TSHZ2: variants seen among roughly 807,000 people sequenced by gnomAD.
The protein encoded by TSHZ2 is teashirt zinc finger homeobox 2.
Under a neutral mutation model 74.4 loss-of-function variants are expected in TSHZ2, and 21 were observed. The observed-to-expected ratio is 0.28, with a 90% CI of 0.20 to 0.41. The LOEUF is 0.41. Ranked by LOEUF, TSHZ2 falls within the 10% of genes least tolerant of loss-of-function variation. The pLI, the probability that TSHZ2 is intolerant of heterozygous loss-of-function variation, is 1.00. For synonymous variants in TSHZ2, 540 were observed against 515.3 expected, an observed-to-expected ratio of 1.05 and a Z score of -0.65; for missense variants, 1,244 against 1,293.5, an observed-to-expected ratio of 0.96 and a Z score of 0.59.
intron 2 of TSHZ2, among the ~76,000 whole-genome samples, chr20:53,376,135 A>G (rs1250001496): frequency 6.6e-6 from 1 of 152,228 alleles, no homozygotes; most frequent in East Asian, 1.9e-4. Flanking sequence ...AGAACATTCC[A>G]GACAGGGATA....
intron 1 of TSHZ2, among the ~76,000 whole-genome samples, chr20:53,219,725 A>C (rs954411641): frequency 7.2e-5 from 11 of 152,214 alleles, no homozygotes; most frequent in Non-Finnish European, 1.2e-4. Flanking sequence ...AATTATATAC[A>C]TGGAAGAATG....
intron 2 of TSHZ2, among the ~76,000 whole-genome samples, chr20:53,311,075 G>C (rs1006589205): frequency 4.6e-5 from 7 of 152,176 alleles, no homozygotes; most frequent in Non-Finnish European, 1.0e-4. Flanking sequence ...TGTAAAGCAA[G>C]GTATACCTTG....
chr20:53,308,121 T>G (rs1481097453), intron 2 of TSHZ2, among the ~76,000 whole-genome samples: 1 of 152,190 alleles, frequency 6.6e-6, no homozygotes, highest in African/African-American at 2.4e-5. Flanking sequence ...GGCGTTTGCA[T>G]AGTAAATATT....
At chr20:53,235,535 A>G (rs1989923633) in intron 1 of TSHZ2, among the ~76,000 whole-genome samples, 1 of 152,202 alleles carries the variant, frequency 6.6e-6, no homozygotes, top group Non-Finnish European at 1.5e-5. Flanking sequence ...CTCTTCTGCT[A>G]GCCCGAAATC....
At chr20:53,372,232 T>C (rs1177274343) in intron 2 of TSHZ2, among the ~76,000 whole-genome samples, 1 of 152,070 alleles carries the variant, frequency 6.6e-6, no homozygotes, top group Admixed American at 6.5e-5. Context: ...TCCTAGCACT[T>C]TGGGAAGTCA....
chr20:53,332,349 A>C (rs1233983492), intron 2 of TSHZ2, among the ~76,000 whole-genome samples: 2 of 152,186 alleles, frequency 1.3e-5, no homozygotes, highest in African/African-American at 2.4e-5. Context: ...TCAAAGGCAA[A>C]GGCAACAGCA....
At chr20:53,265,855 G>A (rs1041288129) in intron 2 of TSHZ2, among the ~76,000 whole-genome samples, 2 of 152,220 alleles carry the variant, frequency 1.3e-5, no homozygotes, top group Non-Finnish European at 2.9e-5. Flanking sequence ...GCACAGGAGA[G>A]CAATCTAAGA....
intron 2 of TSHZ2, among the ~76,000 whole-genome samples, chr20:53,430,051 C>T (rs1309062460): frequency 1.3e-5 from 2 of 152,150 alleles, no homozygotes; most frequent in East Asian, 3.8e-4. Context: ...AATTGAAAAA[C>T]CCTACTATAT....
intron 1 of TSHZ2, chr20:53,196,146 A>G (rs1159546416): frequency 2.0e-5 from 3 of 152,072 alleles, no homozygotes; most frequent in Non-Finnish European, 4.4e-5. Context: ...CATGGATTTC[A>G]TTATGCCTCT....
chr20:53,264,071 T>C (rs987307097), intron 2 of TSHZ2, among the ~76,000 whole-genome samples: 4 of 152,234 alleles, frequency 2.6e-5, no homozygotes, highest in African/African-American at 9.6e-5. Context: ...TGCCTTCTAC[T>C]AATACATCTC....
At chr20:53,000,192 C>CGG (rs1334223226) in intron 1 of TSHZ2, among the ~76,000 whole-genome samples, 2 of 152,122 alleles carry the variant, frequency 1.3e-5, no homozygotes, top group African/African-American at 4.8e-5. Flanking sequence ...TTTTGTATGA[C>CGG]CTATGGGTTA....
At chr20:53,177,569 C>G (rs1186780435) in intron 1 of TSHZ2, among the ~76,000 whole-genome samples, 1 of 152,178 alleles carries the variant, frequency 6.6e-6, no homozygotes, top group Non-Finnish European at 1.5e-5. Context: ...TGCATTAGGT[C>G]TTCCATGAAT....
At chr20:53,222,021 T>C (rs1989571648) in intron 1 of TSHZ2, among the ~76,000 whole-genome samples, 1 of 152,234 alleles carries the variant, frequency 6.6e-6, no homozygotes, top group Non-Finnish European at 1.5e-5. Flanking sequence ...CATTGTATTT[T>C]AAGGGATACA....
intron 2 of TSHZ2, among the ~76,000 whole-genome samples, chr20:53,290,003 A>AT (rs1363799911): frequency 6.6e-6 from 1 of 152,116 alleles, no homozygotes; most frequent in African/African-American, 2.4e-5. Context: ...TGAGAATGAG[A>AT]TTTAGTGGTT....
chr20:53,312,870 C>T lies in TSHZ2; in HGVS notation c.*8+56299C>T, dbSNP rs146276321. ...TTCTTGAACTTGTAGCCAAACACCT[C>T]TGAGCAAGGCTAGGAGGAGATAAGA... On this transcript the variant is annotated intron_variant, in intron 2 of 2. Transcript: ENST00000371497. Among the ~76,000 whole-genome samples the T allele has an allele frequency of 6.8e-3, 1,042 of 152,326 alleles. 17 individuals carry two copies. The highest frequency in any genetic ancestry group is 0.024 in the African/African-American group (982 of 41,566).
chr20:53,442,570 G>A (rs1008238332), intron 2 of TSHZ2, among the ~76,000 whole-genome samples: 5 of 152,088 alleles, frequency 3.3e-5, no homozygotes, highest in Non-Finnish European at 5.9e-5. Flanking sequence ...CCGTAATATC[G>A]TAATGATAGT....
At chr20:53,436,536 A>ATTTTTTTTTT (rs71194478) in intron 2 of TSHZ2, among the ~76,000 whole-genome samples, 15 of 83,558 alleles carry the variant, frequency 1.8e-4, no homozygotes, top group East Asian at 4.0e-4. Flanking sequence ...TATTATTATT[A>ATTTTTTTTTT]TTATTATTAT....
intron 1 of TSHZ2, among the ~76,000 whole-genome samples, chr20:53,092,827 G>C (rs1476411042): frequency 6.6e-6 from 1 of 152,134 alleles, no homozygotes; most frequent in Non-Finnish European, 1.5e-5. Context: ...ACCACGGATT[G>C]GCAAACTTTT....
chr20:53,492,972 A>G lies in TSHZ2; in HGVS notation c.*5837A>G, dbSNP rs1199103066. 1 of 152,220 alleles carries G rather than the reference A, an allele frequency of 6.6e-6. No individual in the cohort carries two copies. The highest frequency in any genetic ancestry group is 1.5e-5 in the Non-Finnish European group (1 of 68,032). The allele number at this position is 152,220 out of a possible 1,614,324, so 9.4% of individuals were successfully genotyped here. On this transcript the variant is annotated 3_prime_UTR_variant, in exon 3 of 3. Transcript: ENST00000371497. ...TAGAATGTTTCTGTGCAAGCGCACT[A>G]ATTTTCTATCACCTGCATGCTGTAT...
Sources: gnomAD v4.1 joint callset for allele counts (sites outside exome capture counted in the v4.1 genomes callset) on GRCh38, gnomAD v4.1.1 for gene constraint, MANE v1.5 for transcripts, NCBI Gene and HGNC (gene_info 2026-07-23, HGNC 2026-07-21) for gene names.